Variants in TTC6 observed in about 807,000 individuals in gnomAD.
The protein encoded by TTC6 is tetratricopeptide repeat domain 6, also known as tetratricopeptide repeat protein 6.
In TTC6, 172 loss-of-function variants were observed where a neutral mutation model predicts 210.4. The ratio of observed to expected loss-of-function variants is 0.82; its 90% CI spans 0.72 to 0.93. TTC6 has a LOEUF of 0.93. TTC6 is among the 40% of genes least tolerant of loss of function. TTC6 has a pLI of 0.00. For missense variants in TTC6, 2,414 were observed against 2,318.1 expected, an observed-to-expected ratio of 1.04 and a Z score of -0.85; for synonymous variants, 804 against 819.6, an observed-to-expected ratio of 0.98 and a Z score of 0.32.
chr14:37,776,338 G>A (rs75615794), intron 14 of TTC6, among the ~76,000 whole-genome samples: 2,864 of 152,222 alleles, frequency 0.019, 61 homozygotes, highest in Non-Finnish European at 0.025. Flanking sequence ...TGATGTGTGT[G>A]TATTTGATCC....
exon 7 of TTC6, chr14:37,724,902 A>C (rs34543736): frequency 1.3e-6 from 2 of 1,514,504 alleles, no homozygotes; most frequent in Non-Finnish European, 1.8e-6. Context: ...TCAAAGATGT[A>C]TGCTTATCCA....
intron 23 of TTC6, 80 bp from the exon 26 acceptor site, chr14:37,808,653 A>G (rs2139421931): frequency 1.3e-6 from 1 of 745,350 alleles, no homozygotes; most frequent in Non-Finnish European, 2.2e-6. Flanking sequence ...AAACTCTGAT[A>G]GAAACAAGAA....
At position 37,796,133 on chromosome 14, in the gene TTC6, A is replaced by AT. The variant is rs535535922; in HGVS notation, c.3792-158dup. On this transcript the variant is annotated intron_variant, in intron 18 of 30. Coordinates refer to ENST00000553443, the Ensembl canonical transcript of TTC6. Reference sequence around the variant, plus strand: ...ATCACATCACTATGCTAATTGATATATTTAGTTTATATAAAATGTCTATAA... The same window carrying AT: ...ATCACATCACTATGCTAATTGATATATTTTAGTTTATATAAAATGTCTATAA... 2.0e-3 allele frequency among the ~76,000 whole-genome samples: 297 copies of AT among 152,162 alleles called. 2 individuals are homozygous for AT. Among genetic ancestry groups the AT allele is most frequent in the African/African-American group, 7.0e-3 (289 of 41,568 alleles).
intron 14 of TTC6, 82 bp downstream of exon 16, chr14:37,753,317 C>T (rs2095958078): frequency 2.6e-6 from 3 of 1,158,498 alleles, no homozygotes; most frequent in Admixed American, 2.6e-5. Context: ...GCTTGAAATA[C>T]ATCAGACAGC....
chr14:37,709,131 C>T (rs1217135888), intron 5 of TTC6, among the ~76,000 whole-genome samples: 1 of 152,018 alleles, frequency 6.6e-6, no homozygotes, highest in African/African-American at 2.4e-5. Flanking sequence ...CAGGTCTAAT[C>T]CTGGCCCCAC....
At chr14:37,622,912 C>T (rs546322721) in exon 1 of TTC6, 9 of 1,534,426 alleles carry the variant, frequency 5.9e-6, no homozygotes, top group Non-Finnish European at 7.9e-6. Context: ...ATCATCGCCT[C>T]TCTGCAGTCC....
At chr14:37,620,473 C>T (rs2095649447), upstream of TTC6, among the ~76,000 whole-genome samples, 1 of 152,108 alleles carries the variant, frequency 6.6e-6, no homozygotes, top group Non-Finnish European at 1.5e-5. Flanking sequence ...GGAACACTGT[C>T]CTCTTCGTTT....
At chr14:37,709,701 A>C (rs992296085) in intron 5 of TTC6, among the ~76,000 whole-genome samples, 1 of 151,268 alleles carries the variant, frequency 6.6e-6, no homozygotes, top group Non-Finnish European at 1.5e-5. Flanking sequence ...GTAAAAAAAA[A>C]AAAAAAAAAA....
At chr14:37,746,054 G>C (rs564070016) in intron 10 of TTC6, among the ~76,000 whole-genome samples, 1 of 152,256 alleles carries the variant, frequency 6.6e-6, no homozygotes, top group South Asian at 2.1e-4. Context: ...TTTAGTTACT[G>C]CCACGAATCC....
chr14:37,622,239 C>T (rs1309313541), exon 1 of TTC6: 1 of 1,535,326 alleles, frequency 6.5e-7, no homozygotes, highest in Non-Finnish European at 8.7e-7. Context: ...TGCCCCCGGC[C>T]CGGCCCGCCC....
chr14:37,716,677 A>C (rs2095853299), intron 6 of TTC6, among the ~76,000 whole-genome samples: 2 of 152,162 alleles, frequency 1.3e-5, no homozygotes, highest in African/African-American at 4.8e-5. Context: ...ACTGCAAAAC[A>C]TGCAAAGCAA....
At chr14:37,693,304 A>G (rs940591478) in intron 3 of TTC6, among the ~76,000 whole-genome samples, 6 of 152,170 alleles carry the variant, frequency 3.9e-5, no homozygotes, top group Non-Finnish European at 8.8e-5. Flanking sequence ...ATACCTAGGA[A>G]TTAACCAAAG....
intron 14 of TTC6, among the ~76,000 whole-genome samples, chr14:37,782,454 A>G (rs934447959): frequency 9.9e-5 from 15 of 151,994 alleles, no homozygotes; most frequent in Admixed American, 7.2e-4. Flanking sequence ...ATAGGAATGC[A>G]TGTGATTTTT....
In TTC6 at chr14:37,751,239, CAT is replaced by C; in HGVS notation, c.3129+18_3129+19del. On this transcript the variant is annotated intron_variant, in intron 13 of 30. Coordinates refer to ENST00000553443, the Ensembl canonical transcript of TTC6. ...GACTTTTCGAAAGTAAGCTTTATCA[CAT>C]ATAATTCTACCATTTATATAGTTTA... is the stretch of plus-strand genomic sequence containing the variant. 6.6e-7 allele frequency: 1 copy of C among 1,508,292 alleles called. No homozygotes were observed. The highest frequency in any genetic ancestry group is 8.8e-7 in the Non-Finnish European group (1 of 1,132,244). The allele number at this position is 1,508,292 out of a possible 1,614,324, so 93.4% of individuals were successfully genotyped here.
At chr14:37,707,748 T>C (rs1006060837) in intron 5 of TTC6, among the ~76,000 whole-genome samples, 3 of 152,134 alleles carry the variant, frequency 2.0e-5, no homozygotes, top group African/African-American at 7.2e-5. Flanking sequence ...ACAGAAATCA[T>C]TTTGGGTTTT....
At chr14:37,664,547 C>T (rs1345464888) in intron 1 of TTC6, among the ~76,000 whole-genome samples, 1 of 150,534 alleles carries the variant, frequency 6.6e-6, no homozygotes, top group Non-Finnish European at 1.5e-5. Context: ...ACTACAAAGA[C>T]CCTAGAAGAA....
chr14:37,651,444 TTTTTTTTTTC>T (rs1184656610), intron 1 of TTC6, among the ~76,000 whole-genome samples: 1,680 of 89,106 alleles, frequency 0.019, 46 homozygotes, highest in South Asian at 0.029. Context: ...TTTTTTTTTT[TTTTTTTTTTC>T]CATCCATGAT....
chr14:37,758,631 C>G (rs1204102607), intron 14 of TTC6, among the ~76,000 whole-genome samples: 1 of 152,114 alleles, frequency 6.6e-6, no homozygotes, highest in Non-Finnish European at 1.5e-5. Context: ...GGTCTTGACT[C>G]TTTATCCAAT....
chr14:37,837,442 T>TC lies in TTC6; in HGVS notation c.5299-3997dup, dbSNP rs149065185. 9.8e-3 allele frequency: 4,432 copies of TC among 454,262 alleles called. 150 individuals carry two copies. Among genetic ancestry groups the TC allele is most frequent in the African/African-American group, 0.078 (3,915 of 49,906 alleles). 28.1% of individuals were successfully genotyped at this position (454,262 alleles called of 1,614,324 possible). A position where few individuals can be genotyped will look rare whatever the true frequency, so the allele number is the denominator to read the frequency against. On this transcript the variant is annotated intron_variant, in intron 29 of 30. Coordinates refer to ENST00000553443, the Ensembl canonical transcript of TTC6. Reference sequence around the variant, plus strand: ...TCTTCACAGAAGGATGTCAATTCTGTCCCCCCTCCCCCCAACCTGTCCCAG... The same window carrying TC: ...TCTTCACAGAAGGATGTCAATTCTGTCCCCCCCTCCCCCCAACCTGTCCCAG...
Sources: gnomAD v4.1 joint callset for allele counts (sites outside exome capture counted in the v4.1 genomes callset) on GRCh38, gnomAD v4.1.1 for gene constraint, MANE v1.5 for transcripts, NCBI Gene and HGNC (gene_info 2026-07-23, HGNC 2026-07-21) for gene names.